Variants in PCDHGB1 observed in about 807,000 individuals in gnomAD.
The protein encoded by PCDHGB1 is protocadherin gamma subfamily B, 1, also known as protocadherin gamma-B1.
PCDHGB1 carries 34 observed loss-of-function variants against 56.6 expected under a neutral mutation model. That is an observed-to-expected ratio of 0.60 (90% CI 0.46 to 0.80). PCDHGB1 has a LOEUF of 0.80. Among genes scored for constraint, PCDHGB1 ranks in the 30% least tolerant of loss-of-function variants. PCDHGB1 has a pLI of 0.00. For synonymous variants in PCDHGB1, 561 were observed against 505.9 expected, an observed-to-expected ratio of 1.11 and a Z score of -1.46; for missense variants, 1,278 against 1,204.6, an observed-to-expected ratio of 1.06 and a Z score of -0.90.
intron 3 of PCDHGB1, among the ~76,000 whole-genome samples, chr5:141,509,362 G>C (rs2099876497): frequency 6.6e-6 from 1 of 152,152 alleles, no homozygotes; most frequent in Non-Finnish European, 1.5e-5. Flanking sequence ...GCATCCCTGA[G>C]GTTTTAACTG....
At chr5:141,408,003 C>G in intron 1 of PCDHGB1, 1 of 917,520 alleles carries the variant, frequency 1.1e-6, no homozygotes, top group Non-Finnish European at 1.6e-6. Flanking sequence ...GCCTGGGATT[C>G]CCTGCGCAGC....
chr5:141,408,570 T>C (rs1184307323), intron 1 of PCDHGB1: 5 of 1,613,966 alleles, frequency 3.1e-6, no homozygotes, highest in East Asian at 2.2e-5. Context: ...ATTGTGGTGA[T>C]TGAGGATGTT....
At chr5:141,385,318 A>G (rs373167861) in intron 1 of PCDHGB1, 2 of 1,610,212 alleles carry the variant, frequency 1.2e-6, no homozygotes, top group Non-Finnish European at 1.7e-6. Context: ...CCTGCCAAGT[A>G]TTCAGGTGAG....
At chr5:141,389,652 G>C in intron 1 of PCDHGB1, 1 of 1,612,638 alleles carries the variant, frequency 6.2e-7, no homozygotes, top group South Asian at 1.1e-5. Context: ...GACCAAGGTA[G>C]TGGCGGTGGA....
intron 1 of PCDHGB1, chr5:141,415,450 C>T (rs774745130): frequency 1.9e-6 from 3 of 1,614,202 alleles, no homozygotes; most frequent in Non-Finnish European, 2.5e-6. Flanking sequence ...GACCTATTCC[C>T]ACGAGGTCTC....
At chr5:141,410,807 T>C in intron 1 of PCDHGB1, 1 of 647,592 alleles carries the variant, frequency 1.5e-6, no homozygotes, top group Non-Finnish European at 2.4e-6. Flanking sequence ...CTCTATCTTT[T>C]TGTAAAATAA....
chr5:141,378,080 AT>A (rs1360120738), intron 1 of PCDHGB1: 30 of 152,322 alleles, frequency 2.0e-4, no homozygotes, highest in African/African-American at 7.2e-4. Flanking sequence ...AAATAATTTT[AT>A]AACTTTTTTT....
At chr5:141,376,139 G>C in intron 1 of PCDHGB1, 1 of 1,613,958 alleles carries the variant, frequency 6.2e-7, no homozygotes, top group Non-Finnish European at 8.5e-7. Flanking sequence ...CAAACCCAAC[G>C]ATTCGGACCT....
intron 1 of PCDHGB1, chr5:141,421,791 TG>T (rs1561796446): frequency 6.2e-7 from 1 of 1,613,792 alleles, no homozygotes; most frequent in Non-Finnish European, 8.5e-7. Flanking sequence ...GCAGAACGGA[TG>T]GGGCCAAGAA....
At chr5:141,478,586 T>C (rs754157570) in intron 1 of PCDHGB1, 6 of 1,576,788 alleles carry the variant, frequency 3.8e-6, no homozygotes, top group Non-Finnish European at 3.4e-6. Context: ...GTTAGTGCTT[T>C]TTTATTCCTA....
chr5:141,511,328 A>G lies in PCDHGB1; in HGVS notation c.*155A>G. On this transcript the variant is annotated 3_prime_UTR_variant, in exon 4 of 4. Transcript: ENST00000523390. Reference sequence around the variant, plus strand: ...CCTTGGGAAACAGAAACAAGTGCCCAGTCAGCACCTACCCCTTCCCCCCCA... The same window carrying G: ...CCTTGGGAAACAGAAACAAGTGCCCGGTCAGCACCTACCCCTTCCCCCCCA... The G allele has an allele frequency of 6.9e-7, 1 of 1,456,862 alleles. No individual in the cohort carries two copies. Among genetic ancestry groups the G allele is most frequent in the Non-Finnish European group, 9.1e-7 (1 of 1,093,622 alleles). 90.2% of individuals were successfully genotyped at this position (1,456,862 alleles called of 1,614,324 possible).
intron 1 of PCDHGB1, among the ~76,000 whole-genome samples, chr5:141,450,750 G>C (rs778218781): frequency 1.1e-4 from 16 of 152,002 alleles, no homozygotes; most frequent in Admixed American, 2.0e-4. Context: ...GCCTCCCAAA[G>C]TGCCGGGATT....
intron 1 of PCDHGB1, among the ~76,000 whole-genome samples, chr5:141,444,275 G>A (rs1427489988): frequency 7.1e-6 from 1 of 141,698 alleles, no homozygotes; most frequent in Non-Finnish European, 1.5e-5. Flanking sequence ...AGGTTCAAGT[G>A]ATTCTCCTGC....
rs553126235 is a variant in PCDHGB1 at position 141,473,346 on chromosome 5, G to A, written c.2410-21461G>A. Reference sequence around the variant, plus strand: ...AAGTGCCTGCTGTGCTAGACAGTGAGGATGCAAGTGGCCACCAAAATAGCA... The same window carrying A: ...AAGTGCCTGCTGTGCTAGACAGTGAAGATGCAAGTGGCCACCAAAATAGCA... On this transcript the variant is annotated intron_variant, in intron 1 of 3. Transcript: ENST00000523390. Among the ~76,000 whole-genome samples, 9 of 152,310 alleles carry A rather than the reference G, an allele frequency of 5.9e-5. No individual in the cohort carries two copies. The East Asian group carries it at 1.5e-3, about 26-fold the overall frequency.
At chr5:141,442,049 C>A in intron 1 of PCDHGB1, 2 of 202,550 alleles carry the variant, frequency 9.9e-6, no homozygotes, top group South Asian at 1.3e-4. Flanking sequence ...GCCTACTGGT[C>A]GCGGTGCACT....
chr5:141,355,711 C>A, intron 1 of PCDHGB1: 3 of 1,613,998 alleles, frequency 1.9e-6, no homozygotes, highest in Non-Finnish European at 2.5e-6. Flanking sequence ...GCAGGGTTAC[C>A]AGCTCAACTC....
rs1197249074 is a variant in PCDHGB1 at position 141,438,579 on chromosome 5, CATACATACATACATATATAT to C, written c.2410-56224_2410-56205del. ...AAGAGGCAGCTGTCTGATATACATACATACATACATACATATATATATATATATATATATATATATATATA... is the reference window on the plus strand; with the variant it reads ...AAGAGGCAGCTGTCTGATATACATACATATATATATATATATATATATATA... On this transcript the variant is annotated intron_variant, in intron 1 of 3. Transcript: ENST00000523390. Among the ~76,000 whole-genome samples the C allele has an allele frequency of 5.3e-3, 298 of 55,734 alleles. 1 individual carries two copies. Among genetic ancestry groups the C allele is most frequent in the Admixed American group, 0.022 (77 of 3,542 alleles). The allele number at this position is 55,734 out of a possible 152,430, so 36.6% of individuals were successfully genotyped here.
intron 1 of PCDHGB1, chr5:141,433,252 G>T (rs1398141147): frequency 1.4e-6 from 2 of 1,425,340 alleles, no homozygotes; most frequent in Non-Finnish European, 1.9e-6. Flanking sequence ...GGAATGCAGC[G>T]GTACGATCAT....
intron 1 of PCDHGB1, among the ~76,000 whole-genome samples, chr5:141,402,419 A>T: frequency 6.6e-6 from 1 of 152,100 alleles, no homozygotes; most frequent in Middle Eastern, 3.2e-3. Flanking sequence ...ACACAGAAAA[A>T]ATTGAAGCAT....
Sources: gnomAD v4.1 joint callset for allele counts (sites outside exome capture counted in the v4.1 genomes callset) on GRCh38, gnomAD v4.1.1 for gene constraint, MANE v1.5 for transcripts, NCBI Gene and HGNC (gene_info 2026-07-23, HGNC 2026-07-21) for gene names.